Variants in KLHL28 observed in about 807,000 individuals in gnomAD.
KLHL28 encodes the protein kelch like family member 28, also known as kelch-like protein 28.
KLHL28 carries 22 observed loss-of-function variants against 48.3 expected under a neutral mutation model. That is an observed-to-expected ratio of 0.46 (90% confidence interval 0.33 to 0.65). The LOEUF (loss-of-function observed/expected upper bound fraction) is 0.65. Among genes scored for constraint, KLHL28 ranks in the 30% least tolerant of loss-of-function variants. KLHL28 has a pLI of 0.03. For synonymous variants in KLHL28, 243 were observed against 242.4 expected (o/e 1.00, Z -0.02); for missense variants, 527 against 704.3 (o/e 0.75, Z 2.85).
chr14:44,956,002 A>C (rs199992988), intron 1 of KLHL28, among the ~76,000 whole-genome samples: 2 of 152,260 alleles, frequency 1.3e-5, no homozygotes, highest in East Asian at 3.8e-4. Flanking sequence ...CTAATGGTCA[A>C]CACCGGACGA....
intron 1 of KLHL28, among the ~76,000 whole-genome samples, chr14:44,949,877 T>C (rs1432426368): frequency 6.6e-6 from 1 of 152,136 alleles, no homozygotes; most frequent in Non-Finnish European, 1.5e-5. Flanking sequence ...AACTATAATA[T>C]ACAGAACTAC....
At chr14:44,961,336 G>A (rs150534843) in intron 1 of KLHL28, among the ~76,000 whole-genome samples, 370 of 152,152 alleles carry the variant, frequency 2.4e-3, no homozygotes, top group African/African-American at 8.4e-3. Flanking sequence ...TCCCACAGAG[G>A]AACTGCATTA....
chr14:44,945,323 T>C lies in KLHL28; in HGVS notation c.606A>G (p.Leu202=), dbSNP rs1401243983. 1.2e-6 allele frequency: 2 copies of C among 1,614,060 alleles called. No homozygotes were observed. Among genetic ancestry groups the C allele is most frequent in the African/African-American group, 1.3e-5 (1 of 74,922 alleles). Residue 202 remains leucine (L), a synonymous_variant, in exon 2 of 5, where the codon TTA becomes TTG. Transcript: ENST00000396128. ...VATEETVFYA[L]ESWIKYDVQE... ...GTACATCATACTTGATCCAAGACTC[T>C]AATGCATAAAAAACAGTCTCTTCGG...
At chr14:44,935,890 G>GTATATATATATATATATATGTATATATA (rs139707349) in intron 2 of KLHL28, among the ~76,000 whole-genome samples, 1 of 59,094 alleles carries the variant, frequency 1.7e-5, no homozygotes, top group South Asian at 7.1e-4. Flanking sequence ...ATATATGTGT[G>GTATATATATATATATATATGTATATATA]TATATATATA....
intron 1 of KLHL28, among the ~76,000 whole-genome samples, chr14:44,953,883 T>C (rs1482611891): frequency 3.9e-5 from 6 of 151,988 alleles, no homozygotes; most frequent in African/African-American, 1.2e-4. Flanking sequence ...TTTTAAAAAC[T>C]TGGAATAAAG....
rs573156626 is a variant in KLHL28, at chr14:44,956,454, C to T, written c.-1+5392G>A. On this transcript the variant is annotated intron_variant, in intron 1 of 4. Transcript: ENST00000396128. ...CATGAGTATTCTCACGTCCCAACCC[C>T]AACACACACCAAAGTCAAGCAAATT... Among the ~76,000 whole-genome samples, 182 of 152,234 alleles carry T rather than the reference C, an allele frequency of 1.2e-3. 1 individual carries two copies. Among genetic ancestry groups the T allele is most frequent in the African/African-American group, 4.2e-3 (176 of 41,534 alleles).
Position 44,945,413 on chromosome 14 carries a change from C to T in KLHL28, c.516G>A (p.Glu172=). 6.2e-7 allele frequency: 1 copy of T among 1,614,176 alleles called. No individual in the cohort carries two copies. The highest frequency in any genetic ancestry group is 2.2e-5 in the East Asian group (1 of 44,892). The change falls in exon 2 of 5, where the codon GAG becomes GAA. Residue 172 remains glutamate (E), a synonymous_variant. Transcript: ENST00000396128. Reference sequence around the variant, plus strand: ...AGTCAGCATGTGTAAGCTCAAAAAACTCTTCAGTCTGGCAAACAGCTTCAA... The same window carrying T: ...AGTCAGCATGTGTAAGCTCAAAAAATTCTTCAGTCTGGCAAACAGCTTCAA... The part of the protein sequence containing the change: ...QNFEAVCQTE[E]FFELTHADLD...
rs895565843 is a variant in KLHL28 at position 44,927,321 on chromosome 14, T to A, written c.*1707A>T. On this transcript the variant is annotated 3_prime_UTR_variant, in exon 5 of 5. Transcript: ENST00000396128. ...TTGCCCGGCTATAGTATTCAAGAAA[T>A]AAACATATATACTAACAAATGAACC... The A allele has an allele frequency of 2.6e-5, 4 of 152,556 alleles. No homozygotes were observed. The highest frequency in any genetic ancestry group is 9.7e-5 in the African/African-American group (4 of 41,440). The allele number at this position is 152,556 out of a possible 1,614,324, so 9.5% of individuals were successfully genotyped here.
intron 2 of KLHL28, among the ~76,000 whole-genome samples, chr14:44,943,367 G>T (rs919606614): frequency 2.0e-5 from 3 of 152,218 alleles, no homozygotes; most frequent in African/African-American, 7.2e-5. Context: ...CAGTTAAAAT[G>T]TATTATGAGG....
At chr14:44,941,425 A>G (rs1477944296) in intron 2 of KLHL28, among the ~76,000 whole-genome samples, 1 of 149,574 alleles carries the variant, frequency 6.7e-6, no homozygotes, top group Non-Finnish European at 1.5e-5. Flanking sequence ...TGAGGTCAGG[A>G]GTTCGAGACC....
intron 1 of KLHL28, among the ~76,000 whole-genome samples, chr14:44,957,682 A>G (rs1412241602): frequency 6.6e-6 from 1 of 152,196 alleles, no homozygotes; most frequent in East Asian, 1.9e-4. Context: ...CAACAATATA[A>G]TAGGCACTGT....
chr14:44,947,345 T>G (rs1884382352), intron 1 of KLHL28, among the ~76,000 whole-genome samples: 1 of 152,194 alleles, frequency 6.6e-6, no homozygotes, highest in African/African-American at 2.4e-5. Context: ...CACCTTAATT[T>G]TAGCCCACTG....
rs924034411 is a variant in KLHL28 at position 44,928,372 on chromosome 14, C to G, written c.*656G>C. ...TACAAAAGGCATAAACAGTAAATAT[C>G]TGATTTCCTAAAATAGGGCCCCAAA... On this transcript the variant is annotated 3_prime_UTR_variant, in exon 5 of 5. Coordinates refer to ENST00000396128, the MANE Select transcript of KLHL28 (RefSeq NM_017658.5). 1 of 152,102 alleles carries G rather than the reference C, an allele frequency of 6.6e-6. No individual in the cohort carries two copies. The highest frequency in any genetic ancestry group is 1.5e-5 in the Non-Finnish European group (1 of 67,998). The allele number at this position is 152,102 out of a possible 1,614,324, so 9.4% of individuals were successfully genotyped here. A position where few individuals can be genotyped will look rare whatever the true frequency, so the allele number is the denominator to read the frequency against.
intron 1 of KLHL28, among the ~76,000 whole-genome samples, chr14:44,957,072 C>T (rs1469119292): frequency 6.6e-6 from 1 of 152,168 alleles, no homozygotes; most frequent in Non-Finnish European, 1.5e-5. Flanking sequence ...AATCCTCCTG[C>T]CTTGGCCTCC....
intron 1 of KLHL28, among the ~76,000 whole-genome samples, chr14:44,952,777 T>TA (rs1884637050): frequency 6.6e-6 from 1 of 151,842 alleles, no homozygotes; most frequent in Non-Finnish European, 1.5e-5. Context: ...CATAAATGGC[T>TA]AAAAAAAGTA....
chr14:44,929,133 A>G lies in KLHL28; in HGVS notation c.1611T>C (p.Ser537=), dbSNP rs773866152. ...ATTTCTGCACTGTATTCAGATAGGA[A>G]GACCCTGAGTGACCACCGACGACAT... is the stretch of plus-strand genomic sequence containing the variant. ...YLYVVGGHSG[S]SYLNTVQKYD... The change falls in exon 5 of 5, where the codon TCT becomes TCC. Residue 537 remains serine, a synonymous_variant. Coordinates refer to ENST00000396128, the MANE Select transcript of KLHL28 (RefSeq NM_017658.5). The G allele has an allele frequency of 5.6e-6, 9 of 1,613,750 alleles. No homozygotes were observed. Among genetic ancestry groups the G allele is most frequent in the Non-Finnish European group, 7.6e-6 (9 of 1,179,844 alleles).
intron 1 of KLHL28, among the ~76,000 whole-genome samples, chr14:44,950,171 A>C (rs1231150737): frequency 1.3e-5 from 2 of 152,164 alleles, no homozygotes; most frequent in Non-Finnish European, 2.9e-5. Flanking sequence ...ATACATAAAA[A>C]GGGCTCAGAA....
chr14:44,940,801 A>G (rs1306706611), intron 2 of KLHL28, among the ~76,000 whole-genome samples: 1 of 152,126 alleles, frequency 6.6e-6, no homozygotes, highest in Non-Finnish European at 1.5e-5. Flanking sequence ...CATCTATCTT[A>G]TATCTTTACC....
chr14:44,940,070 T>TCATCCCATGATGGAAGA (rs1379504268), intron 2 of KLHL28, among the ~76,000 whole-genome samples: 1 of 152,180 alleles, frequency 6.6e-6, no homozygotes, highest in East Asian at 1.9e-4. Flanking sequence ...CTGGGAAGGG[T>TCATCCCATGATGGAAGA]CATCCCATGA....
Sources: gnomAD v4.1 joint callset for allele counts (sites outside exome capture counted in the v4.1 genomes callset) on GRCh38, gnomAD v4.1.1 for gene constraint, MANE v1.5 for transcripts, NCBI Gene and HGNC (gene_info 2026-07-23, HGNC 2026-07-21) for gene names.